The following MAPDA variants were observed in gnomAD, a reference collection of about 807,000 sequenced individuals.
MAPDA encodes N6,N6-dimethyl-AMP deaminase.
At chr15:43,340,828 A>G in the MAPDA span, among the ~76,000 whole-genome samples, 1 of 152,216 alleles carries the variant, frequency 6.6e-6, no homozygotes, top group African/African-American at 2.4e-5. Flanking sequence ...CTCTGAGAAA[A>G]GGATACCTGC....
the MAPDA span, chr15:43,349,324 A>G: frequency 8.8e-7 from 1 of 1,137,254 alleles, no homozygotes; most frequent in Non-Finnish European, 1.1e-6. Flanking sequence ...ATAAAGGGTC[A>G]TCTAGAATTT....
At chr15:43,342,751 A>G in the MAPDA span, among the ~76,000 whole-genome samples, 3 of 151,940 alleles carry the variant, frequency 2.0e-5, no homozygotes, top group Non-Finnish European at 4.4e-5. Flanking sequence ...CTGTCTCAAA[A>G]AAAAAAAAAG....
the MAPDA span, among the ~76,000 whole-genome samples, chr15:43,345,098 T>C: frequency 1.3e-5 from 2 of 152,088 alleles, no homozygotes; most frequent in African/African-American, 4.8e-5. Context: ...TTCACGCCTG[T>C]AATCCCAGCA....
At chr15:43,330,702 CCTTT>C in the MAPDA span, 177 of 480,566 alleles carry the variant, frequency 3.7e-4, 1 homozygote, top group Non-Finnish European at 5.7e-4. Context: ...TTGCGGCTGA[CCTTT>C]CTTTGGAATG....
the MAPDA span, chr15:43,340,399 C>A: frequency 6.7e-7 from 1 of 1,486,748 alleles, no homozygotes; most frequent in Non-Finnish European, 9.3e-7. Context: ...TTCCTATGTG[C>A]TTTGATCACT....
At chr15:43,339,487 C>A in the MAPDA span, among the ~76,000 whole-genome samples, 1 of 152,160 alleles carries the variant, frequency 6.6e-6, no homozygotes, top group Non-Finnish European at 1.5e-5. Context: ...CTTGCTTTGC[C>A]AGGACACTGC....
At chr15:43,334,014 A>G in the MAPDA span, among the ~76,000 whole-genome samples, 2 of 152,264 alleles carry the variant, frequency 1.3e-5, no homozygotes, top group South Asian at 4.1e-4. Context: ...ACCTGTCCTC[A>G]AGGAACTTAC....
chr15:43,347,936 C>G, the MAPDA span, among the ~76,000 whole-genome samples: 1 of 152,124 alleles, frequency 6.6e-6, no homozygotes, highest in East Asian at 1.9e-4. Context: ...CTCAAAAGAC[C>G]TTTCATCCAC....
chr15:43,338,101 C>T, the MAPDA span, among the ~76,000 whole-genome samples: 1 of 152,150 alleles, frequency 6.6e-6, no homozygotes, highest in Non-Finnish European at 1.5e-5. Flanking sequence ...GTTTAATACT[C>T]TATGGGTATA....
At chr15:43,346,059 A>G in the MAPDA span, 4 of 1,572,632 alleles carry the variant, frequency 2.5e-6, no homozygotes, top group African/African-American at 1.4e-5. Context: ...GGCATCTTGC[A>G]TTGCATTCTC....
chr15:43,343,352 A>G, the MAPDA span, among the ~76,000 whole-genome samples: 3 of 152,242 alleles, frequency 2.0e-5, no homozygotes, highest in South Asian at 2.1e-4. Context: ...AAGGTCCCAC[A>G]TGATCTGGCT....
chr15:43,340,297 T>G, the MAPDA span: 1 of 1,614,140 alleles, frequency 6.2e-7, no homozygotes, highest in Non-Finnish European at 8.5e-7. Flanking sequence ...AATTTGCAGA[T>G]GACGGCGTCA....
At chr15:43,337,071 A>G in the MAPDA span, among the ~76,000 whole-genome samples, 1 of 151,780 alleles carries the variant, frequency 6.6e-6, no homozygotes. Context: ...GTTGGAGACC[A>G]TCCTGGCTAA....
At chr15:43,335,205 C>T in the MAPDA span, 4 of 1,600,648 alleles carry the variant, frequency 2.5e-6, no homozygotes, top group African/African-American at 5.4e-5. Flanking sequence ...TGAGTGGTTG[C>T]TAATTATAAT....
chr15:43,345,279 G>A, the MAPDA span, among the ~76,000 whole-genome samples: 10 of 151,114 alleles, frequency 6.6e-5, no homozygotes, highest in Admixed American at 5.3e-4. Context: ...GCTTGGACCC[G>A]GGAGGCAGAG....
chr15:43,349,920 G>A, the MAPDA span, among the ~76,000 whole-genome samples: 3 of 152,172 alleles, frequency 2.0e-5, no homozygotes, highest in Non-Finnish European at 2.9e-5. Context: ...GGGCAGCTTG[G>A]GTTTGTCATC....
the MAPDA span, chr15:43,352,150 T>C: frequency 4.8e-6 from 2 of 418,414 alleles, no homozygotes; most frequent in Non-Finnish European, 4.2e-6. Flanking sequence ...TGGGTGGGAC[T>C]TGACTGTTGT....
chr15:43,332,146 G>T, the MAPDA span: 1 of 152,190 alleles, frequency 6.6e-6, no homozygotes, highest in Non-Finnish European at 1.5e-5. Flanking sequence ...GTAGGGCAGA[G>T]AGAAAAAGAA....
At chr15:43,332,966 A>AT in the MAPDA span, among the ~76,000 whole-genome samples, 3 of 152,028 alleles carry the variant, frequency 2.0e-5, no homozygotes, top group Non-Finnish European at 2.9e-5. Flanking sequence ...AGGAACAACA[A>AT]TTTTTTTTAA....
Sources: gnomAD v4.1 joint callset for allele counts (sites outside exome capture counted in the v4.1 genomes callset) on GRCh38, gnomAD v4.1.1 for gene constraint, MANE v1.5 for transcripts, NCBI Gene and HGNC (gene_info 2026-07-23, HGNC 2026-07-21) for gene names.